Variants in EIF2AK2 observed in about 807,000 individuals in gnomAD.
The protein encoded by EIF2AK2 is interferon-induced, double-stranded RNA-activated protein kinase.
EIF2AK2 carries 40 observed loss-of-function variants against 70.5 expected under a neutral mutation model. The observed-to-expected ratio is 0.57, with a 90% CI of 0.44 to 0.74. The LOEUF is 0.74. Ranked by LOEUF, EIF2AK2 falls within the 30% of genes least tolerant of loss-of-function variation. The pLI is 0.00. For missense variants in EIF2AK2, 555 were observed against 644.3 expected (o/e 0.86, Z 1.50); for synonymous variants, 198 against 220.9 (o/e 0.90, Z 0.92).
intron 11 of EIF2AK2, among the ~76,000 whole-genome samples, chr2:37,124,454 G>C (rs1056470770): frequency 6.6e-6 from 1 of 152,114 alleles, no homozygotes; most frequent in African/African-American, 2.4e-5. Context: ...TAGAGACAGA[G>C]TTTCACCATG....
intron 1 of EIF2AK2, among the ~76,000 whole-genome samples, chr2:37,155,506 T>C (rs953795533): frequency 2.0e-5 from 3 of 152,186 alleles, no homozygotes; most frequent in East Asian, 3.8e-4. Flanking sequence ...CACAGCCTTC[T>C]TTGATGCTGG....
intron 10 of EIF2AK2, among the ~76,000 whole-genome samples, chr2:37,134,232 C>A (rs1675045703): frequency 1.3e-5 from 2 of 152,180 alleles, no homozygotes; most frequent in South Asian, 4.1e-4. Context: ...TTATTTCAAA[C>A]CTATTACAAC....
chr2:37,116,169 G>GGTTA (rs1395247266), intron 13 of EIF2AK2, among the ~76,000 whole-genome samples: 1 of 152,318 alleles, frequency 6.6e-6, no homozygotes, highest in Non-Finnish European at 1.5e-5. Context: ...AAAGTGCTGA[G>GGTTA]GTTACAGGCA....
intron 4 of EIF2AK2, among the ~76,000 whole-genome samples, chr2:37,142,435 G>T (rs1675368202): frequency 6.6e-6 from 1 of 151,808 alleles, no homozygotes; most frequent in Non-Finnish European, 1.5e-5. Context: ...ACCCGGCTGA[G>T]TTTTGCTATT....
In EIF2AK2 at chr2:37,141,665, A is replaced by T; in HGVS notation, c.277T>A (p.Ser93Thr). The T allele has an allele frequency of 6.2e-7, 1 of 1,613,754 alleles. No individual in the cohort carries two copies. Among genetic ancestry groups the T allele is most frequent in the South Asian group, 1.1e-5 (1 of 90,890 alleles). ...SPLLLTTTNSSEGLSMGNYIG... is the reference protein window; with the variant it reads ...SPLLLTTTNSTEGLSMGNYIG... ...TAATTCCCCATGGATAATCCTTCTG[A>T]AGAATTCGTTGTTGTCAATAATAAA... The change falls in exon 5 of 17, where the codon TCA becomes ACA. Residue 93 changes from serine to threonine, a missense_variant. Physicochemically the swap from Ser to Thr is moderately conservative, Grantham distance 58. This residue lies in a region of EIF2AK2 where 208 missense variants were observed against 191.8 expected (regional missense o/e 1.08). Coordinates refer to ENST00000233057, the MANE Select transcript of EIF2AK2 (RefSeq NM_001135651.3).
At chr2:37,118,098 TAA>T (rs1262460702) in intron 13 of EIF2AK2, among the ~76,000 whole-genome samples, 1 of 151,182 alleles carries the variant, frequency 6.6e-6, no homozygotes, top group African/African-American at 2.4e-5. Flanking sequence ...ACTTTGAGTC[TAA>T]AAGTTTGAGA....
At chr2:37,115,928 G>A (rs193147067) in intron 13 of EIF2AK2, among the ~76,000 whole-genome samples, 22 of 151,730 alleles carry the variant, frequency 1.4e-4, no homozygotes, top group East Asian at 9.7e-4. Context: ...ATGGAGCCTC[G>A]CTCTGTCACC....
In EIF2AK2 at chr2:37,100,598, A is replaced by C. The variant is rs1673804163; in HGVS notation, c.*6675T>G. 6.6e-6 allele frequency: 1 copy of C among 152,236 alleles called. No individual in the cohort carries two copies. 9.4% of individuals were successfully genotyped at this position (152,236 alleles called of 1,614,324 possible). On this transcript the variant is annotated 3_prime_UTR_variant, in exon 17 of 17. Transcript: ENST00000233057. ...CCCTTCATCTATGACTATTTTTAAG[A>C]AATGTAAGATTTGGATAAGTCATAA...
At chr2:37,123,053 A>G (rs1479930403) in intron 11 of EIF2AK2, among the ~76,000 whole-genome samples, 1 of 151,940 alleles carries the variant, frequency 6.6e-6, no homozygotes, top group African/African-American at 2.4e-5. Flanking sequence ...CTGTAATCCC[A>G]GCTACTTGGG....
At chr2:37,118,529 CT>C (rs1289421350) in intron 13 of EIF2AK2, among the ~76,000 whole-genome samples, 1 of 152,132 alleles carries the variant, frequency 6.6e-6, no homozygotes, top group Non-Finnish European at 1.5e-5. Flanking sequence ...AATGCCTACA[CT>C]TCTGCATTTA....
chr2:37,146,000 C>T (rs541992145), intron 4 of EIF2AK2, among the ~76,000 whole-genome samples: 13 of 152,020 alleles, frequency 8.6e-5, no homozygotes, highest in Admixed American at 2.6e-4. Flanking sequence ...GTGATCCACC[C>T]GCCTCAGCTT....
chr2:37,140,758 A>G (rs1304058131), intron 5 of EIF2AK2, among the ~76,000 whole-genome samples: 5 of 152,230 alleles, frequency 3.3e-5, no homozygotes, highest in African/African-American at 9.6e-5. Context: ...AATGAATACT[A>G]TAACATTTTT....
At chr2:37,139,018 C>T (rs1420287138) in intron 6 of EIF2AK2, among the ~76,000 whole-genome samples, 1 of 149,702 alleles carries the variant, frequency 6.7e-6, no homozygotes, top group Non-Finnish European at 1.5e-5. Context: ...GCCAGGTGGT[C>T]TGAAACTCCT....
intron 15 of EIF2AK2, 110 bp from the exon 16 acceptor site, chr2:37,107,637 G>A (rs866451061): frequency 2.3e-6 from 3 of 1,277,620 alleles, no homozygotes; most frequent in African/African-American, 3.0e-5. Flanking sequence ...GATTTTTTGG[G>A]AAAGTCTCTT....
At chr2:37,127,914 G>T (rs1674799557) in intron 10 of EIF2AK2, among the ~76,000 whole-genome samples, 1 of 151,946 alleles carries the variant, frequency 6.6e-6, no homozygotes, top group African/African-American at 2.4e-5. Context: ...GCTAATTTTT[G>T]TATTTTTAGT....
At chr2:37,117,137 C>G (rs1674371148) in intron 13 of EIF2AK2, among the ~76,000 whole-genome samples, 1 of 150,044 alleles carries the variant, frequency 6.7e-6, no homozygotes, top group Non-Finnish European at 1.5e-5. Context: ...CTCGTGAACC[C>G]AGGAGTCAGA....
intron 1 of EIF2AK2, among the ~76,000 whole-genome samples, chr2:37,155,327 G>C (rs1379564833): frequency 6.6e-6 from 1 of 152,150 alleles, no homozygotes; most frequent in Non-Finnish European, 1.5e-5. Context: ...TTCCAAAATA[G>C]AGCATGAATT....
rs4648243 is a variant in EIF2AK2 at position 37,108,679 on chromosome 2, C to A, written c.1479+515G>T. On this transcript the variant is annotated intron_variant, in intron 15 of 16. Transcript: ENST00000233057. ...CCGCCTCCCAGGTTCAAGCGATTCTCCTGCCTCAGCCCCCTGAGTAGTTGG... is the reference window on the plus strand; with the variant it reads ...CCGCCTCCCAGGTTCAAGCGATTCTACTGCCTCAGCCCCCTGAGTAGTTGG... Among the ~76,000 whole-genome samples the A allele has an allele frequency of 4.4e-4, 67 of 152,286 alleles. 1 individual carries two copies. The East Asian group carries it at 8.3e-3, about 19-fold the overall frequency.
At chr2:37,124,295 T>A (rs1674656925) in intron 11 of EIF2AK2, among the ~76,000 whole-genome samples, 1 of 151,068 alleles carries the variant, frequency 6.6e-6, no homozygotes, top group African/African-American at 2.4e-5. Flanking sequence ...AGAGTCTTGC[T>A]TTGTCGCCCA....
Sources: gnomAD v4.1 joint callset for allele counts (sites outside exome capture counted in the v4.1 genomes callset) on GRCh38, gnomAD v4.1.1 for gene constraint, gnomAD v4.1.1 regional missense constraint, MANE v1.5 for transcripts, NCBI Gene and HGNC (gene_info 2026-07-23, HGNC 2026-07-21) for gene names.